ATOH1: variants seen among roughly 807,000 people sequenced by gnomAD.
ATOH1 encodes atonal bHLH transcription factor 1.
In ATOH1, 9 loss-of-function variants were observed where a neutral mutation model predicts 20.7. The ratio of observed to expected loss-of-function variants is 0.44; its 90% CI spans 0.26 to 0.76. ATOH1 has a LOEUF of 0.76. ATOH1 is among the 30% of genes least tolerant of loss of function. The probability of loss-of-function intolerance (pLI) is 0.20; values close to 1 mark genes in which losing one functional copy is unlikely to be tolerated. For missense variants in ATOH1, 516 were observed against 479.3 expected, an observed-to-expected ratio of 1.08 and a Z score of -0.71; for synonymous variants, 247 against 214.3, an observed-to-expected ratio of 1.15 and a Z score of -1.33.
Position 93,829,013 on chromosome 4 carries a change from G to A in ATOH1, c.87G>A (p.Pro29=), listed in dbSNP as rs749547808. The change falls in exon 1 of 1, where the codon CCG becomes CCA. Residue 29 remains proline, a synonymous_variant. Transcript: ENST00000306011. This position sits in a 1 kb window ranked among gnomAD's most constrained non-coding sequence, Gnocchi z 4.5. ...GCCAGCCCCAGCCGCATCATCTCCC[G>A]CAACCGCCGCCGCCGCCGCAGCCAC... ...HHRQPQPHHL[P]QPPPPPQPPA... 2.5e-6 allele frequency: 4 copies of A among 1,613,434 alleles called. No homozygotes were observed. In the Admixed American group the frequency reaches 6.7e-5, roughly 27 times the overall value.
rs1209227120 is a variant in ATOH1 at position 93,829,270 on chromosome 4, G to T, written c.344G>T (p.Ser115Ile). ...LVRRSSGGAS[S>I]SKSPGPVKVR... Reference sequence around the variant, plus strand: ...AGGAGGAGCAGCGGCGGTGCCAGCAGCAGCAAGAGCCCCGGGCCGGTGAAA... The same window carrying T: ...AGGAGGAGCAGCGGCGGTGCCAGCATCAGCAAGAGCCCCGGGCCGGTGAAA... Residue 115 changes from serine to isoleucine, a missense_variant, in exon 1 of 1, where the codon AGC (serine) becomes ATC (isoleucine). Ser to Ile is a moderately radical substitution (Grantham distance 142, BLOSUM62 -2). Coordinates refer to ENST00000306011, the MANE Select transcript of ATOH1 (RefSeq NM_005172.2). This position sits in a 1 kb window ranked among gnomAD's most constrained non-coding sequence, Gnocchi z 4.5. 1 of 1,602,202 alleles carries T rather than the reference G, an allele frequency of 6.2e-7. No individual in the cohort carries two copies.
rs1350648411 is a variant in ATOH1 at position 93,829,259 on chromosome 4, C to A, written c.333C>A (p.Gly111=). Residue 111 remains glycine (G), a synonymous_variant, in exon 1 of 1, where the codon GGC becomes GGA. Transcript: ENST00000306011. The surrounding 1 kb of genome is among the most constrained non-coding windows in gnomAD (Gnocchi z 4.5). The part of the protein sequence containing the change: ...GRGELVRRSS[G]GASSSKSPGP... ...GGGAGCTGGTAAGGAGGAGCAGCGG[C>A]GGTGCCAGCAGCAGCAAGAGCCCCG... is the stretch of plus-strand genomic sequence containing the variant. 3 of 1,597,262 alleles carry A rather than the reference C, an allele frequency of 1.9e-6. No homozygotes were observed. The highest frequency in any genetic ancestry group is 1.7e-6 in the Non-Finnish European group (2 of 1,170,870).
Position 93,830,104 on chromosome 4 carries a change from T to G in ATOH1, c.*113T>G. ...CCCTTTAATTTTTGCTCTGCGATGG[T>G]CGTTGTTTAGCAACGACTTGGCTTC... On this transcript the variant is annotated 3_prime_UTR_variant, in exon 1 of 1. Coordinates refer to ENST00000306011, the MANE Select transcript of ATOH1 (RefSeq NM_005172.2). The G allele has an allele frequency of 4.2e-6, 6 of 1,443,720 alleles. No individual in the cohort carries two copies. Among genetic ancestry groups the G allele is most frequent in the Non-Finnish European group, 5.5e-6 (6 of 1,100,630 alleles). The allele number at this position is 1,443,720 out of a possible 1,614,324, so 89.4% of individuals were successfully genotyped here. A position where few individuals can be genotyped will look rare whatever the true frequency, so the allele number is the denominator to read the frequency against.
rs1735416204 is a variant in ATOH1, at chr4:93,830,254, T to TTAGA, written c.*270_*273dup. Reference sequence around the variant, plus strand: ...TTTCCGCCCACCTTCTGCTCCCCCTTTAGATAGATACGGTATAATTGTAGG... The same window carrying TTAGA: ...TTTCCGCCCACCTTCTGCTCCCCCTTTAGATAGATAGATACGGTATAATTGTAGG... On this transcript the variant is annotated 3_prime_UTR_variant, in exon 1 of 1. Coordinates refer to ENST00000306011, the MANE Select transcript of ATOH1 (RefSeq NM_005172.2). 1 of 563,664 alleles carries TTAGA rather than the reference T, an allele frequency of 1.8e-6. No individual in the cohort carries two copies. Among genetic ancestry groups the TTAGA allele is most frequent in the Non-Finnish European group, 2.8e-6 (1 of 352,398 alleles). 34.9% of individuals were successfully genotyped at this position (563,664 alleles called of 1,614,324 possible).
rs1334835932 is a variant in ATOH1 at position 93,828,818 on chromosome 4, G to A, written c.-109G>A. 7.9e-7 allele frequency: 1 copy of A among 1,260,572 alleles called. No individual in the cohort carries two copies. Among genetic ancestry groups the A allele is most frequent in the East Asian group, 2.7e-5 (1 of 37,534 alleles). 78.1% of individuals were successfully genotyped at this position (1,260,572 alleles called of 1,614,324 possible). On this transcript the variant is annotated 5_prime_UTR_variant, in exon 1 of 1. Transcript: ENST00000306011. ...AGTGGGTGGGGGAGGGTCGAGGAGGGAAAAAAAAATAAGACGTTGCAGAAG... is the reference window on the plus strand; with the variant it reads ...AGTGGGTGGGGGAGGGTCGAGGAGGAAAAAAAAAATAAGACGTTGCAGAAG...
rs776038071 is a variant in ATOH1 at position 93,829,289 on chromosome 4, G to C, written c.363G>C (p.Pro121=). 1.8e-5 allele frequency: 29 copies of C among 1,610,082 alleles called. No individual in the cohort carries two copies. In the South Asian group the frequency reaches 3.1e-4, roughly 17 times the overall value. ...GGASSSKSPG[P]VKVREQLCKL... is the part of the protein sequence containing the mutation. ...CCAGCAGCAGCAAGAGCCCCGGGCCGGTGAAAGTGCGGGAACAGCTGTGCA... is the reference window on the plus strand; with the variant it reads ...CCAGCAGCAGCAAGAGCCCCGGGCCCGTGAAAGTGCGGGAACAGCTGTGCA... The change falls in exon 1 of 1, where the codon CCG becomes CCC. Residue 121 remains proline, a synonymous_variant. Coordinates refer to ENST00000306011, the MANE Select transcript of ATOH1 (RefSeq NM_005172.2). This position sits in a 1 kb window ranked among gnomAD's most constrained non-coding sequence, Gnocchi z 4.5.
rs536528718 is a variant in ATOH1 at position 93,829,670 on chromosome 4, G to A, written c.744G>A (p.Ala248=). 5.7e-6 allele frequency: 9 copies of A among 1,574,334 alleles called. No homozygotes were observed. In the South Asian group the frequency reaches 1.1e-4, roughly 19 times the overall value. Reference sequence around the variant, plus strand: ...CCGCGGCCTCCTATGAAGGGGGCGCGGGCAACGCGACCGCAGCTGGGGCTC... The same window carrying A: ...CCGCGGCCTCCTATGAAGGGGGCGCAGGCAACGCGACCGCAGCTGGGGCTC... ...LRTAASYEGG[A]GNATAAGAQQ... Residue 248 remains alanine (A), a synonymous_variant, in exon 1 of 1, where the codon GCG becomes GCA. Transcript: ENST00000306011. The surrounding 1 kb of genome is among the most constrained non-coding windows in gnomAD (Gnocchi z 4.5).
chr4:93,830,832 T>G lies in ATOH1; in HGVS notation c.*841T>G, dbSNP rs950093375. The G allele has an allele frequency of 6.0e-6, 1 of 167,144 alleles. No homozygotes were observed. Among genetic ancestry groups the G allele is most frequent in the Non-Finnish European group, 1.5e-5 (1 of 68,130 alleles). The allele number at this position is 167,144 out of a possible 1,614,324, so 10.4% of individuals were successfully genotyped here. Reference sequence around the variant, plus strand: ...ATTAGAAAACTTATTTATTATTGTTTGCTACCATTTCTACTTATCTTGATT... The same window carrying G: ...ATTAGAAAACTTATTTATTATTGTTGGCTACCATTTCTACTTATCTTGATT... On this transcript the variant is annotated 3_prime_UTR_variant, in exon 1 of 1. Coordinates refer to ENST00000306011, the MANE Select transcript of ATOH1 (RefSeq NM_005172.2).
At position 93,829,267 on chromosome 4, in the gene ATOH1, G is replaced by A; in HGVS notation, c.341G>A (p.Ser114Asn). The change falls in exon 1 of 1, where the codon AGC (serine) becomes AAC (asparagine). Residue 114 changes from serine to asparagine, a missense_variant. Physicochemically the swap from Ser to Asn is conservative, Grantham distance 46. Coordinates refer to ENST00000306011, the MANE Select transcript of ATOH1 (RefSeq NM_005172.2). The surrounding 1 kb of genome is among the most constrained non-coding windows in gnomAD (Gnocchi z 4.5). ...GTAAGGAGGAGCAGCGGCGGTGCCA[G>A]CAGCAGCAAGAGCCCCGGGCCGGTG... The part of the protein sequence containing the change: ...ELVRRSSGGA[S>N]SSKSPGPVKV... 1.2e-6 allele frequency: 2 copies of A among 1,600,124 alleles called. No individual in the cohort carries two copies. Among genetic ancestry groups the A allele is most frequent in the Non-Finnish European group, 1.7e-6 (2 of 1,171,968 alleles).
rs1418689899 is a variant in ATOH1, at chr4:93,829,727, C to T, written c.801C>T (p.Thr267=). The T allele has an allele frequency of 1.3e-6, 2 of 1,573,752 alleles. No individual in the cohort carries two copies. Among genetic ancestry groups the T allele is most frequent in the Non-Finnish European group, 1.7e-6 (2 of 1,161,634 alleles). The part of the protein sequence containing the change: ...QQASGGSQRP[T]PPGSCRTRFS... Reference sequence around the variant, plus strand: ...CTTCCGGAGGGAGCCAGCGGCCGACCCCGCCCGGGAGTTGCCGGACTCGCT... The same window carrying T: ...CTTCCGGAGGGAGCCAGCGGCCGACTCCGCCCGGGAGTTGCCGGACTCGCT... Residue 267 remains threonine, a synonymous_variant, in exon 1 of 1, where the codon ACC becomes ACT. Coordinates refer to ENST00000306011, the MANE Select transcript of ATOH1 (RefSeq NM_005172.2). This position sits in a 1 kb window ranked among gnomAD's most constrained non-coding sequence, Gnocchi z 4.5.
rs767899405 is a variant in ATOH1, at chr4:93,829,884, T to C, written c.958T>C (p.Leu320=). The C allele has an allele frequency of 1.1e-5, 17 of 1,614,034 alleles. No individual in the cohort carries two copies. In the East Asian group the frequency reaches 1.1e-4, roughly 11 times the overall value. ...GTCTCCTTCTCTCCCCGGGAGCATC[T>C]TGCAGCCAGTGCAGGAGGAAAACAG... is the stretch of plus-strand genomic sequence containing the variant. The part of the protein sequence containing the change: ...NLSPSLPGSI[L]QPVQEENSKT... The change falls in exon 1 of 1, where the codon TTG becomes CTG. Residue 320 remains leucine, a synonymous_variant. Transcript: ENST00000306011. This position sits in a 1 kb window ranked among gnomAD's most constrained non-coding sequence, Gnocchi z 4.5.
Position 93,828,870 on chromosome 4 carries a change from T to C in ATOH1, c.-57T>C. 1 of 1,496,186 alleles carries C rather than the reference T, an allele frequency of 6.7e-7. No homozygotes were observed. The highest frequency in any genetic ancestry group is 8.9e-7 in the Non-Finnish European group (1 of 1,122,600). 92.7% of individuals were successfully genotyped at this position (1,496,186 alleles called of 1,614,324 possible). A position where few individuals can be genotyped will look rare whatever the true frequency, so the allele number is the denominator to read the frequency against. On this transcript the variant is annotated 5_prime_UTR_variant, in exon 1 of 1. Transcript: ENST00000306011. ...GACCCGGAAAGGGCCTTTTTTTTGG[T>C]TGAGCTGGTGTCCCAGTGCTGCCTC...
chr4:93,829,276 A>G lies in ATOH1; in HGVS notation c.350A>G (p.Lys117Arg), dbSNP rs771645916. 6.2e-7 allele frequency: 1 copy of G among 1,604,774 alleles called. No homozygotes were observed. The highest frequency in any genetic ancestry group is 8.5e-7 in the Non-Finnish European group (1 of 1,174,262). Residue 117 changes from lysine (K) to arginine (R), a missense_variant, in exon 1 of 1, where the codon AAG becomes AGG. Physicochemically the swap from Lys to Arg is conservative, Grantham distance 26 (BLOSUM62 2). Transcript: ENST00000306011. This position sits in a 1 kb window ranked among gnomAD's most constrained non-coding sequence, Gnocchi z 4.5. ...RRSSGGASSS[K>R]SPGPVKVREQ... ...AGCAGCGGCGGTGCCAGCAGCAGCAAGAGCCCCGGGCCGGTGAAAGTGCGG... is the reference window on the plus strand; with the variant it reads ...AGCAGCGGCGGTGCCAGCAGCAGCAGGAGCCCCGGGCCGGTGAAAGTGCGG...
At position 93,829,548 on chromosome 4, in the gene ATOH1, A is replaced by G; in HGVS notation, c.622A>G (p.Ile208Val). ...GACCCTGCAGATGGCCCAAATCTACATCAACGCCTTGTCCGAGCTGCTACA... is the reference window on the plus strand; with the variant it reads ...GACCCTGCAGATGGCCCAAATCTACGTCAACGCCTTGTCCGAGCTGCTACA... The part of the protein sequence containing the change: ...YETLQMAQIY[I>V]NALSELLQTP... Residue 208 changes from isoleucine (I) to valine (V), a missense_variant, in exon 1 of 1, where the codon ATC becomes GTC. By Grantham distance (29) the Ile-to-Val change is conservative. Coordinates refer to ENST00000306011, the MANE Select transcript of ATOH1 (RefSeq NM_005172.2). This position sits in a 1 kb window ranked among gnomAD's most constrained non-coding sequence, Gnocchi z 4.5. 6.2e-7 allele frequency: 1 copy of G among 1,614,182 alleles called. No individual in the cohort carries two copies. The highest frequency in any genetic ancestry group is 8.5e-7 in the Non-Finnish European group (1 of 1,180,038).
At position 93,830,028 on chromosome 4, in the gene ATOH1, A is replaced by T; in HGVS notation, c.*37A>T. ...AAGCCTGAAAACTGAGACAGAAACA[A>T]AACTGCCCTTTCCCAGTGCGCGGGA... On this transcript the variant is annotated 3_prime_UTR_variant, in exon 1 of 1. Transcript: ENST00000306011. The T allele has an allele frequency of 2.0e-6, 3 of 1,532,124 alleles. No homozygotes were observed. The highest frequency in any genetic ancestry group is 2.6e-6 in the Non-Finnish European group (3 of 1,143,100). 94.9% of individuals were successfully genotyped at this position (1,532,124 alleles called of 1,614,324 possible).
In ATOH1 at chr4:93,829,796, C is replaced by G. The variant is rs1297350487; in HGVS notation, c.870C>G (p.Asp290Glu). ...ASAGGYSVQLDALHFSTFEDS... is the reference protein window; with the variant it reads ...ASAGGYSVQLEALHFSTFEDS... The stretch of plus-strand genomic sequence containing the variant: ...CGGGAGGGTACTCGGTGCAGCTGGA[C>G]GCTCTGCACTTCTCGACTTTCGAGG... Residue 290 changes from aspartate (D) to glutamate (E), a missense_variant, in exon 1 of 1, where the codon GAC becomes GAG. By Grantham distance (45) the Asp-to-Glu change is conservative. Transcript: ENST00000306011. This position sits in a 1 kb window ranked among gnomAD's most constrained non-coding sequence, Gnocchi z 4.5. 1.1e-5 allele frequency: 17 copies of G among 1,612,996 alleles called. No individual in the cohort carries two copies. The highest frequency in any genetic ancestry group is 1.4e-5 in the Non-Finnish European group (17 of 1,179,524).
rs1561017766 is a variant in ATOH1, at chr4:93,828,935, C to T, written c.9C>T (p.Arg3=). Residue 3 remains arginine, a synonymous_variant, in exon 1 of 1, where the codon CGC becomes CGT. Transcript: ENST00000306011. MS[R]LLHAEEWAEV... ...CGAGCCTTTGCAGTGCAATGTCCCG[C>T]CTGCTGCATGCAGAAGAGTGGGCTG... 4 of 1,595,282 alleles carry T rather than the reference C, an allele frequency of 2.5e-6. No individual in the cohort carries two copies. Among genetic ancestry groups the T allele is most frequent in the East Asian group, 2.2e-5 (1 of 44,738 alleles).
Position 93,829,846 on chromosome 4 carries a change from C to T in ATOH1, c.920C>T (p.Ala307Val). 1 of 1,614,066 alleles carries T rather than the reference C, an allele frequency of 6.2e-7. No homozygotes were observed. Among genetic ancestry groups the T allele is most frequent in the Non-Finnish European group, 8.5e-7 (1 of 1,180,042 alleles). Residue 307 changes from alanine to valine, a missense_variant, in exon 1 of 1, where the codon GCG (alanine) becomes GTG (valine). Physicochemically the swap from Ala to Val is moderately conservative, Grantham distance 64. Coordinates refer to ENST00000306011, the MANE Select transcript of ATOH1 (RefSeq NM_005172.2). This position sits in a 1 kb window ranked among gnomAD's most constrained non-coding sequence, Gnocchi z 4.5. ...GACAGCGCCCTGACAGCGATGATGG[C>T]GCAAAAGAATTTGTCTCCTTCTCTC... ...FEDSALTAMMAQKNLSPSLPG... is the reference protein window; with the variant it reads ...FEDSALTAMMVQKNLSPSLPG...
rs1308949302 is a variant in ATOH1, at chr4:93,829,685, A to C, written c.759A>C (p.Ala253=). The part of the protein sequence containing the change: ...SYEGGAGNAT[A]AGAQQASGGS... ...AAGGGGGCGCGGGCAACGCGACCGC[A>C]GCTGGGGCTCAGCAGGCTTCCGGAG... Residue 253 remains alanine, a synonymous_variant, in exon 1 of 1, where the codon GCA becomes GCC. Coordinates refer to ENST00000306011, the MANE Select transcript of ATOH1 (RefSeq NM_005172.2). The surrounding 1 kb of genome is among the most constrained non-coding windows in gnomAD (Gnocchi z 4.5). The C allele has an allele frequency of 6.4e-7, 1 of 1,571,232 alleles. No homozygotes were observed. The highest frequency in any genetic ancestry group is 1.2e-5 in the South Asian group (1 of 83,020).
Sources: gnomAD v4.1 joint callset for allele counts on GRCh38, gnomAD v4.1.1 for gene constraint, Gnocchi (gnomAD v3.1) non-coding constraint, MANE v1.5 for transcripts, NCBI Gene and HGNC (gene_info 2026-07-23, HGNC 2026-07-21) for gene names.